Variants in CTNND2 observed in about 807,000 individuals in gnomAD.
The protein encoded by CTNND2 is catenin delta 2, also known as catenin delta-2.
CTNND2 carries 22 observed loss-of-function variants against 144.4 expected under a neutral mutation model. The ratio of observed to expected loss-of-function variants is 0.15; its 90% CI spans 0.11 to 0.22. The LOEUF is 0.22. CTNND2 is among the 10% of genes least tolerant of loss of function. The probability of loss-of-function intolerance (pLI) is 1.00; values close to 1 mark genes in which losing one functional copy is unlikely to be tolerated. For synonymous variants in CTNND2, 751 were observed against 695.6 expected (o/e 1.08, Z -1.25); for missense variants, 1,353 against 1,618.8 (o/e 0.84, Z 2.82).
At chr5:11,173,397 G>A (rs72730921) in intron 11 of CTNND2, among the ~76,000 whole-genome samples, 12,001 of 152,284 alleles carry the variant, frequency 0.079, 654 homozygotes, top group Middle Eastern at 0.16. Context: ...CCACCCTCTA[G>A]ATCAGTATAC....
intron 3 of CTNND2, among the ~76,000 whole-genome samples, chr5:11,469,584 A>T (rs565161470): frequency 6.6e-6 from 1 of 152,188 alleles, no homozygotes; most frequent in Admixed American, 6.5e-5. Context: ...GGGCTGACAA[A>T]GAAAGGTTCT....
chr5:11,310,133 T>C (rs1345434733), intron 9 of CTNND2, among the ~76,000 whole-genome samples: 1 of 152,182 alleles, frequency 6.6e-6, no homozygotes, highest in Non-Finnish European at 1.5e-5. Flanking sequence ...GTCTTTATTA[T>C]TTAACAAGTA....
chr5:11,242,604 A>C (rs2149913098), intron 9 of CTNND2, among the ~76,000 whole-genome samples: 1 of 152,332 alleles, frequency 6.6e-6, no homozygotes, highest in East Asian at 1.9e-4. Flanking sequence ...TGCAGTGCAC[A>C]GGACAGTCCC....
chr5:11,352,549 C>G (rs545328222), intron 8 of CTNND2, among the ~76,000 whole-genome samples: 1 of 152,108 alleles, frequency 6.6e-6, no homozygotes, highest in Admixed American at 6.5e-5. Flanking sequence ...TATCCTGAAA[C>G]TTAAACAACA....
chr5:11,010,739 A>G (rs896450523), intron 18 of CTNND2, among the ~76,000 whole-genome samples: 40 of 152,242 alleles, frequency 2.6e-4, no homozygotes, highest in Non-Finnish European at 7.3e-5. Context: ...TGGCCGCAAG[A>G]GCCAATGAAA....
At chr5:11,041,097 T>A (rs904987551) in intron 16 of CTNND2, among the ~76,000 whole-genome samples, 4 of 152,208 alleles carry the variant, frequency 2.6e-5, no homozygotes, top group African/African-American at 9.6e-5. Flanking sequence ...TAGCAGTAAT[T>A]CATTGATTAC....
chr5:11,169,912 A>G (rs1207096345), intron 11 of CTNND2, among the ~76,000 whole-genome samples: 2 of 152,216 alleles, frequency 1.3e-5, no homozygotes, highest in Admixed American at 6.5e-5. Flanking sequence ...TTCACAGAGC[A>G]TCACTGAACT....
chr5:11,174,667 T>C (rs1423588524), intron 11 of CTNND2, among the ~76,000 whole-genome samples: 2 of 152,170 alleles, frequency 1.3e-5, no homozygotes, highest in Non-Finnish European at 2.9e-5. Flanking sequence ...GTTAGCCAGT[T>C]GATCATTATG....
At chr5:11,889,406 G>A (rs570693381) in intron 1 of CTNND2, among the ~76,000 whole-genome samples, 1 of 152,316 alleles carries the variant, frequency 6.6e-6, no homozygotes, top group Admixed American at 6.5e-5. Flanking sequence ...TGCTCCAAGA[G>A]AGAAACAACT....
intron 9 of CTNND2, among the ~76,000 whole-genome samples, chr5:11,250,520 T>TACATA (rs1491283471): frequency 3.6e-4 from 2 of 5,540 alleles, no homozygotes; most frequent in African/African-American, 8.2e-4. Flanking sequence ...TATACATATA[T>TACATA]TTTTTTTTTT....
chr5:11,631,048 A>G lies in CTNND2; in HGVS notation c.175-65992T>C, dbSNP rs1388286521. 3.9e-5 allele frequency among the ~76,000 whole-genome samples: 6 copies of G among 152,134 alleles called. No homozygotes were observed. In the East Asian group the frequency reaches 1.2e-3, roughly 29 times the overall value. ...TCAGATTGTCCTTCACTAAATAGAG[A>G]GATCAATTTTGATGTAGTAATATAA... On this transcript the variant is annotated intron_variant, in intron 2 of 21. Coordinates refer to ENST00000304623, the MANE Select transcript of CTNND2 (RefSeq NM_001332.4).
intron 9 of CTNND2, among the ~76,000 whole-genome samples, chr5:11,293,589 C>A (rs1748589255): frequency 6.6e-6 from 1 of 151,692 alleles, no homozygotes; most frequent in Non-Finnish European, 1.5e-5. Flanking sequence ...GCACAAATAA[C>A]AAAAATTACA....
chr5:11,147,732 A>G (rs1003191970), intron 12 of CTNND2, among the ~76,000 whole-genome samples: 29 of 152,312 alleles, frequency 1.9e-4, no homozygotes, highest in African/African-American at 5.3e-4. Flanking sequence ...AAAAGAGAAT[A>G]GGCCCAGATA....
At chr5:11,640,039 T>C (rs773924465) in intron 2 of CTNND2, among the ~76,000 whole-genome samples, 7 of 152,196 alleles carry the variant, frequency 4.6e-5, no homozygotes, top group Non-Finnish European at 7.3e-5. Flanking sequence ...AAAAAATATC[T>C]TGGGTATTGT....
intron 12 of CTNND2, among the ~76,000 whole-genome samples, chr5:11,129,223 TA>T (rs371763973): frequency 0.04 from 961 of 23,832 alleles, 87 homozygotes; most frequent in East Asian, 0.098. Context: ...ATATTATATA[TA>T]AATATATATT....
chr5:11,139,257 G>A (rs538618793), intron 12 of CTNND2, among the ~76,000 whole-genome samples: 50 of 152,256 alleles, frequency 3.3e-4, no homozygotes, highest in South Asian at 1.0e-3. Context: ...GACCACACCC[G>A]GCCAGAAACC....
intron 1 of CTNND2, among the ~76,000 whole-genome samples, chr5:11,851,390 G>A (rs1218036652): frequency 6.6e-6 from 1 of 152,186 alleles, no homozygotes; most frequent in Non-Finnish European, 1.5e-5. Context: ...TTCAGGAGAA[G>A]AAAGGTCTTT....
intron 17 of CTNND2, among the ~76,000 whole-genome samples, chr5:11,021,369 G>C (rs1292934943): frequency 6.6e-6 from 1 of 152,168 alleles, no homozygotes; most frequent in African/African-American, 2.4e-5. Context: ...GTGTGGGTGT[G>C]TATGCTCAAG....
intron 12 of CTNND2, among the ~76,000 whole-genome samples, chr5:11,125,329 T>G (rs1754571985): frequency 6.6e-6 from 1 of 152,220 alleles, no homozygotes; most frequent in Admixed American, 6.5e-5. Flanking sequence ...CTTTGATTTG[T>G]AGCTTCTTTG....
Sources: gnomAD v4.1 joint callset for allele counts (sites outside exome capture counted in the v4.1 genomes callset) on GRCh38, gnomAD v4.1.1 for gene constraint, MANE v1.5 for transcripts, NCBI Gene and HGNC (gene_info 2026-07-23, HGNC 2026-07-21) for gene names.